ACOT11: variants seen among roughly 807,000 people sequenced by gnomAD.
The protein encoded by ACOT11 is acyl-coenzyme A thioesterase 11.
ACOT11 carries 69 observed loss-of-function variants against 77.5 expected under a neutral mutation model. The observed-to-expected ratio is 0.89, with a 90% confidence interval of 0.73 to 1.09. The LOEUF is 1.09. ACOT11 is among the 50% of genes least tolerant of loss of function. The pLI is 0.00. For synonymous variants in ACOT11, 279 were observed against 313.0 expected (o/e 0.89, Z 1.15); for missense variants, 766 against 813.7 (o/e 0.94, Z 0.71).
rs201640566 is a variant in ACOT11 at position 54,609,661 on chromosome 1, G to A, written c.*549G>A. On this transcript the variant is annotated 3_prime_UTR_variant, in exon 16 of 16. Transcript: ENST00000343744. ...GCAGCTCTCTGCCAGCCACATGGCCGGGGACCGAAAAACTCCCGTGGGAGA... is the reference window on the plus strand; with the variant it reads ...GCAGCTCTCTGCCAGCCACATGGCCAGGGACCGAAAAACTCCCGTGGGAGA... 6.8e-5 allele frequency: 109 copies of A among 1,613,890 alleles called. No individual in the cohort carries two copies. Among genetic ancestry groups the A allele is most frequent in the Admixed American group, 8.3e-5 (5 of 60,032 alleles).
At position 54,605,258 on chromosome 1, in the gene ACOT11, G is replaced by A. The variant is rs146096698; in HGVS notation, c.1370+49G>A. 1.5e-3 allele frequency: 2,311 copies of A among 1,589,556 alleles called. 34 individuals are homozygous for A. In the African/African-American group the frequency reaches 0.027, roughly 19 times the overall value. ...GGCAGTGTCCCTTCTCCGGCCTGAT[G>A]AGGGAGAGAGTGTCTCCTTCTGCGG... On this transcript the variant is annotated intron_variant, in intron 13 of 15. Transcript: ENST00000343744.
At chr1:54,620,359 C>A (rs760736645) in intron 15 of ACOT11, among the ~76,000 whole-genome samples, 3 of 152,182 alleles carry the variant, frequency 2.0e-5, no homozygotes, top group Non-Finnish European at 4.4e-5. Context: ...GTGCAGTTGC[C>A]TGAAGAGCCA....
At position 54,601,564 on chromosome 1, in the gene ACOT11, G is replaced by C. The variant is rs182132562; in HGVS notation, c.1029+151G>C. 5.8e-4 allele frequency: 737 copies of C among 1,261,312 alleles called. 1 individual carries two copies. The African/African-American group carries it at 8.9e-3, about 15-fold the overall frequency. The allele number at this position is 1,261,312 out of a possible 1,614,324, so 78.1% of individuals were successfully genotyped here. ...GGGGCACAGCCAGCTGAGTGTCCTG[G>C]CTGTGAGCCCTGGGATGCCCCTTGT... On this transcript the variant is annotated intron_variant, in intron 9 of 15. Coordinates refer to ENST00000343744, the MANE Select transcript of ACOT11 (RefSeq NM_147161.4).
chr1:54,627,822 T>C (rs1383480185), intron 15 of ACOT11, among the ~76,000 whole-genome samples: 1 of 132,900 alleles, frequency 7.5e-6, no homozygotes, highest in Non-Finnish European at 1.7e-5. Context: ...AGGGAAGACC[T>C]TCCAGACAAA....
chr1:54,594,875 C>T (rs1702002), intron 6 of ACOT11, among the ~76,000 whole-genome samples, 184 bp downstream of exon 6: 23,145 of 152,180 alleles, frequency 0.15, 3,740 homozygotes, highest in African/African-American at 0.4. Context: ...GTGTTTGGGC[C>T]TCTCTACCAG....
chr1:54,593,319 C>G (rs1654777615), intron 4 of ACOT11, among the ~76,000 whole-genome samples: 1 of 152,052 alleles, frequency 6.6e-6, no homozygotes, highest in Non-Finnish European at 1.5e-5. Context: ...CTCTGTCACC[C>G]AAGCTGGAGT....
chr1:54,620,020 C>T, intron 15 of ACOT11: 3 of 1,613,158 alleles, frequency 1.9e-6, no homozygotes, highest in Non-Finnish European at 2.5e-6. Flanking sequence ...GGAAGGAATC[C>T]CAAGGGGCTG....
Position 54,609,446 on chromosome 1 carries a change from C to G in ACOT11, c.*334C>G, listed in dbSNP as rs149944281. 424 of 1,613,826 alleles carry G rather than the reference C, an allele frequency of 2.6e-4. 1 individual carries two copies. In the African/African-American group the frequency reaches 5.2e-3, roughly 20 times the overall value. On this transcript the variant is annotated 3_prime_UTR_variant, in exon 16 of 16. Coordinates refer to ENST00000343744, the MANE Select transcript of ACOT11 (RefSeq NM_147161.4). ...GGCCCGGGGGGAGGATGCCAGCAGC[C>G]TGCCTATGGCTCCAGCTGTGCTGTG...
At chr1:54,602,820 C>T (rs929088269) in intron 10 of ACOT11, 96 bp downstream of exon 10, 11 of 1,320,784 alleles carry the variant, frequency 8.3e-6, no homozygotes, top group South Asian at 1.7e-5. Flanking sequence ...GCTGCCTGTG[C>T]GTTGGGCCCT....
intron 1 of ACOT11, among the ~76,000 whole-genome samples, chr1:54,555,291 A>G (rs768478914): frequency 6.6e-6 from 1 of 152,178 alleles, no homozygotes; most frequent in Non-Finnish European, 1.5e-5. Context: ...TCTGACAGGT[A>G]TGAGATGCTA....
intron 15 of ACOT11, among the ~76,000 whole-genome samples, chr1:54,615,562 G>C (rs760938550): frequency 1.3e-5 from 2 of 152,084 alleles, no homozygotes; most frequent in Non-Finnish European, 2.9e-5. Context: ...GCTGCGACTA[G>C]ATGGGGGCAG....
chr1:54,607,383 G>T lies in ACOT11; in HGVS notation c.1502+118G>T. ...GCCAGAGCTCTGCTTCCCATTGGCT[G>T]TGGGGCCCCAGGCACCACTAGACTT... On this transcript the variant is annotated intron_variant, in intron 14 of 15. Transcript: ENST00000343744. This position sits in a 1 kb window ranked among gnomAD's most constrained non-coding sequence, Gnocchi z 4.5. The T allele has an allele frequency of 6.6e-7, 1 of 1,510,002 alleles. No homozygotes were observed. Among genetic ancestry groups the T allele is most frequent in the Non-Finnish European group, 8.9e-7 (1 of 1,117,394 alleles). 93.5% of individuals were successfully genotyped at this position (1,510,002 alleles called of 1,614,324 possible).
intron 1 of ACOT11, among the ~76,000 whole-genome samples, chr1:54,578,839 G>C (rs1654201700): frequency 6.9e-6 from 1 of 144,844 alleles, no homozygotes; most frequent in South Asian, 2.1e-4. Flanking sequence ...TTTAATTTAT[G>C]ATCTTGAAAA....
intron 1 of ACOT11, among the ~76,000 whole-genome samples, chr1:54,567,011 G>A (rs1169420411): frequency 1.3e-5 from 2 of 152,086 alleles, no homozygotes; most frequent in East Asian, 3.9e-4. Flanking sequence ...AAAATTGGTG[G>A]CCTTCTTTCA....
chr1:54,559,764 T>C (rs1007901449), intron 1 of ACOT11, among the ~76,000 whole-genome samples: 12 of 152,316 alleles, frequency 7.9e-5, no homozygotes, highest in African/African-American at 2.6e-4. Context: ...TTTATCTGGC[T>C]TTACAAGTTA....
chr1:54,632,689 C>T (rs945871136), intron 16 of ACOT11, among the ~76,000 whole-genome samples: 5 of 152,180 alleles, frequency 3.3e-5, no homozygotes, highest in Non-Finnish European at 5.9e-5. Flanking sequence ...AAACGTCCTA[C>T]CTGTGAAATA....
chr1:54,632,228 G>A (rs570417305), intron 16 of ACOT11, among the ~76,000 whole-genome samples: 3 of 152,276 alleles, frequency 2.0e-5, no homozygotes, highest in East Asian at 1.9e-4. Context: ...GGCCCGTCCC[G>A]GGCCCCGCTC....
intron 1 of ACOT11, among the ~76,000 whole-genome samples, chr1:54,558,744 TG>T (rs1653358211): frequency 6.6e-6 from 1 of 152,124 alleles, no homozygotes; most frequent in Admixed American, 6.5e-5. Flanking sequence ...AGGGAACAGC[TG>T]GAAGAGGCTG....
At chr1:54,562,662 C>G (rs1653575989) in intron 1 of ACOT11, among the ~76,000 whole-genome samples, 1 of 123,700 alleles carries the variant, frequency 8.1e-6, no homozygotes, top group Admixed American at 7.5e-5. Flanking sequence ...GGGTGGTTGC[C>G]AGGCAGAGGG....
Sources: allele counts gnomAD v4.1 joint callset (sites outside exome capture counted in the v4.1 genomes callset), GRCh38; gene constraint gnomAD v4.1.1; non-coding constraint Gnocchi (gnomAD v3.1); transcripts MANE v1.5; gene names NCBI Gene and HGNC (gene_info 2026-07-23, HGNC 2026-07-21).